Variants in EFNB2 observed in about 807,000 individuals in gnomAD.
EFNB2 encodes the protein ephrin-B2.
EFNB2 carries 5 observed loss-of-function variants against 32.1 expected under a neutral mutation model. The ratio of observed to expected loss-of-function variants is 0.16; its 90% CI spans 0.08 to 0.33. EFNB2 has a LOEUF of 0.33. Among genes scored for constraint, EFNB2 ranks in the 10% least tolerant of loss-of-function variants. The pLI is 1.00. For synonymous variants in EFNB2, 168 were observed against 166.5 expected (o/e 1.01, Z -0.07); for missense variants, 263 against 422.6 (o/e 0.62, Z 3.31).
At chr13:106,532,829 G>GA (rs1272636780) in intron 1 of EFNB2, among the ~76,000 whole-genome samples, 5 of 151,662 alleles carry the variant, frequency 3.3e-5, no homozygotes, top group East Asian at 2.0e-4. Flanking sequence ...GAATGGGGGG[G>GA]GGGAGTGGTG....
chr13:106,521,494 G>C (rs556378840), intron 1 of EFNB2: 1 of 152,296 alleles, frequency 6.6e-6, no homozygotes, highest in Admixed American at 6.5e-5. Flanking sequence ...CTGGCCCAAA[G>C]ACCTCAACTT....
In EFNB2 at chr13:106,531,871, A is replaced by T. The variant is rs78640249; in HGVS notation, c.122+2972T>A. Among the ~76,000 whole-genome samples the T allele has an allele frequency of 9.0e-3, 1,365 of 152,290 alleles. 23 individuals carry two copies. Among genetic ancestry groups the T allele is most frequent in the African/African-American group, 0.032 (1,317 of 41,544 alleles). Reference sequence around the variant, plus strand: ...AGGCATTAGTACTCGAAATTTTCAAAGTCAGTGTAATGCATTGCAGAACAC... The same window carrying T: ...AGGCATTAGTACTCGAAATTTTCAATGTCAGTGTAATGCATTGCAGAACAC... On this transcript the variant is annotated intron_variant, in intron 1 of 4. Coordinates refer to ENST00000646441, the MANE Select transcript of EFNB2 (RefSeq NM_004093.4).
intron 1 of EFNB2, among the ~76,000 whole-genome samples, chr13:106,522,357 A>C (rs1407811554): frequency 6.6e-6 from 1 of 152,212 alleles, no homozygotes; most frequent in Non-Finnish European, 1.5e-5. Flanking sequence ...AGAGTCTATA[A>C]AGGAAGGTGG....
chr13:106,508,305 T>C (rs1274102665), intron 2 of EFNB2, among the ~76,000 whole-genome samples: 1 of 152,084 alleles, frequency 6.6e-6, no homozygotes, highest in Admixed American at 6.6e-5. Context: ...CAGCTTCCCT[T>C]GAAAATAGGC....
At chr13:106,494,596 A>C (rs1878528194) in intron 4 of EFNB2, among the ~76,000 whole-genome samples, 1 of 152,242 alleles carries the variant, frequency 6.6e-6, no homozygotes, top group African/African-American at 2.4e-5. Context: ...AGCTTGATAA[A>C]ATGTCAGCCA....
intron 1 of EFNB2, among the ~76,000 whole-genome samples, chr13:106,533,250 G>GA (rs1879942328): frequency 6.6e-6 from 1 of 150,776 alleles, no homozygotes; most frequent in Non-Finnish European, 1.5e-5. Context: ...GCGGCGCCGC[G>GA]GGCTCCCCGC....
intron 2 of EFNB2, among the ~76,000 whole-genome samples, chr13:106,496,369 A>G (rs1878591099): frequency 6.6e-6 from 1 of 152,210 alleles, no homozygotes; most frequent in African/African-American, 2.4e-5. Context: ...TTTCAGCCTT[A>G]TGCATGCTTA....
intron 2 of EFNB2, among the ~76,000 whole-genome samples, chr13:106,511,020 A>T (rs1566458921): frequency 6.6e-6 from 1 of 152,126 alleles, no homozygotes; most frequent in East Asian, 1.9e-4. Context: ...AAATAAAATA[A>T]AAAAATAAAG....
At chr13:106,496,260 T>C (rs1878586211) in intron 2 of EFNB2, among the ~76,000 whole-genome samples, 1 of 152,192 alleles carries the variant, frequency 6.6e-6, no homozygotes, top group South Asian at 2.1e-4. Context: ...CCACTGCAGA[T>C]TTCCTGCTTC....
At chr13:106,497,172 T>TA (rs1450011749) in intron 2 of EFNB2, among the ~76,000 whole-genome samples, 1 of 152,200 alleles carries the variant, frequency 6.6e-6, no homozygotes, top group East Asian at 1.9e-4. Flanking sequence ...ATAAGGCACT[T>TA]ATTTACTTGT....
At chr13:106,504,456 G>T (rs1343319561) in intron 2 of EFNB2, among the ~76,000 whole-genome samples, 1 of 152,184 alleles carries the variant, frequency 6.6e-6, no homozygotes, top group Non-Finnish European at 1.5e-5. Flanking sequence ...CATGTTGTTT[G>T]CTTTGACCAT....
At chr13:106,526,121 C>T (rs984186571) in intron 1 of EFNB2, among the ~76,000 whole-genome samples, 41 of 152,192 alleles carry the variant, frequency 2.7e-4, no homozygotes, top group Admixed American at 1.3e-4. Context: ...GGCCCAGAAA[C>T]CCCTGTTTTC....
At position 106,493,872 on chromosome 13, in the gene EFNB2, G is replaced by C. The variant is rs573728989; in HGVS notation, c.614-444C>G. Among the ~76,000 whole-genome samples the C allele has an allele frequency of 6.6e-6, 1 of 152,356 alleles. No individual in the cohort carries two copies. The highest frequency in any genetic ancestry group is 2.4e-5 in the African/African-American group (1 of 41,588). On this transcript the variant is annotated intron_variant, in intron 4 of 4. Transcript: ENST00000646441. The surrounding 1 kb of genome is among the most constrained non-coding windows in gnomAD (Gnocchi z 6.1). The stretch of plus-strand genomic sequence containing the variant: ...ACCTTCAAAGGGCCTGCCTTCTAAA[G>C]AAGAGCCCTGCCTCCTGGCAGAACA...
intron 2 of EFNB2, among the ~76,000 whole-genome samples, chr13:106,504,171 T>G (rs1193354322): frequency 6.6e-6 from 1 of 152,120 alleles, no homozygotes; most frequent in Non-Finnish European, 1.5e-5. Context: ...GAGTAAAAAG[T>G]TCATGGTGGG....
At chr13:106,500,617 C>CT (rs1878745101) in intron 2 of EFNB2, among the ~76,000 whole-genome samples, 1 of 152,152 alleles carries the variant, frequency 6.6e-6, no homozygotes, top group Non-Finnish European at 1.5e-5. Flanking sequence ...AAACGTTGCC[C>CT]TTACATACAG....
At chr13:106,505,869 C>T (rs1459816045) in intron 2 of EFNB2, among the ~76,000 whole-genome samples, 1 of 152,128 alleles carries the variant, frequency 6.6e-6, no homozygotes, top group African/African-American at 2.4e-5. Context: ...TTCTTGCTGT[C>T]ATGATGGCTT....
At chr13:106,522,071 C>A (rs572483964) in intron 1 of EFNB2, among the ~76,000 whole-genome samples, 2 of 151,332 alleles carry the variant, frequency 1.3e-5, no homozygotes, top group African/African-American at 4.8e-5. Flanking sequence ...AAAAACCACA[C>A]ACGCACCCCA....
intron 1 of EFNB2, among the ~76,000 whole-genome samples, chr13:106,523,724 A>G (rs889626061): frequency 1.8e-4 from 27 of 152,210 alleles, no homozygotes; most frequent in Non-Finnish European, 3.8e-4. Flanking sequence ...GGCTGTACTG[A>G]ATGAATCCAC....
At chr13:106,507,249 T>G (rs985572964) in intron 2 of EFNB2, among the ~76,000 whole-genome samples, 6 of 152,172 alleles carry the variant, frequency 3.9e-5, no homozygotes, top group Admixed American at 2.6e-4. Context: ...AAATAATTCA[T>G]CAAATAAAGC....
Sources: gnomAD v4.1 joint callset for allele counts (sites outside exome capture counted in the v4.1 genomes callset) on GRCh38, gnomAD v4.1.1 for gene constraint, Gnocchi (gnomAD v3.1) non-coding constraint, MANE v1.5 for transcripts, NCBI Gene and HGNC (gene_info 2026-07-23, HGNC 2026-07-21) for gene names.